The following CFAP58 variants were observed in gnomAD, a reference collection of about 807,000 sequenced individuals.
CFAP58 encodes cilia- and flagella-associated protein 58.
In CFAP58, 88 loss-of-function variants were observed where a neutral mutation model predicts 119.5. That is an observed-to-expected ratio of 0.74 (90% CI 0.62 to 0.88). The LOEUF (loss-of-function observed/expected upper bound fraction) is 0.88, where lower values mean the gene tolerates loss of function less well. CFAP58 is among the 40% of genes least tolerant of loss of function. The pLI is 0.00. For missense variants in CFAP58, 990 were observed against 1,021.2 expected (o/e 0.97, Z 0.42); for synonymous variants, 365 against 366.3 (o/e 1.00, Z 0.04).
intron 8 of CFAP58, among the ~76,000 whole-genome samples, chr10:104,378,350 A>G (rs992638114): frequency 6.0e-5 from 9 of 150,960 alleles, no homozygotes; most frequent in African/African-American, 2.2e-4. Context: ...TTAACCCAAT[A>G]CTTGAAAAAA....
intron 4 of CFAP58, 65 bp from the exon 5 acceptor site, chr10:104,365,749 G>T: frequency 2.1e-6 from 3 of 1,439,160 alleles, no homozygotes; most frequent in Non-Finnish European, 2.8e-6. Context: ...AGGGGGCTTG[G>T]CTGGCTGAGA....
intron 14 of CFAP58, among the ~76,000 whole-genome samples, chr10:104,404,074 G>A (rs1321031796): frequency 6.6e-6 from 1 of 152,224 alleles, no homozygotes; most frequent in Non-Finnish European, 1.5e-5. Context: ...AAAGCCCAGT[G>A]AAAGCTGTGA....
At chr10:104,348,105 G>A in the CFAP58 span, among the ~76,000 whole-genome samples, 1,680 of 151,210 alleles carry the variant, frequency 0.011, 52 homozygotes, top group African/African-American at 0.04. Flanking sequence ...CCCTGGGGAG[G>A]TATGTAGGGT....
chr10:104,447,130 C>T (rs1403214104), intron 15 of CFAP58, among the ~76,000 whole-genome samples: 2 of 151,940 alleles, frequency 1.3e-5, no homozygotes, highest in African/African-American at 4.8e-5. Context: ...GCTGGGACTA[C>T]AGGCATGCAC....
intron 9 of CFAP58, among the ~76,000 whole-genome samples, chr10:104,380,694 C>CA (rs1354006351): frequency 6.6e-6 from 1 of 152,170 alleles, no homozygotes; most frequent in African/African-American, 2.4e-5. Context: ...CTAGGTGTGT[C>CA]AATATTCAAA....
intron 11 of CFAP58, among the ~76,000 whole-genome samples, chr10:104,398,157 A>G (rs951254041): frequency 6.6e-6 from 1 of 152,258 alleles, no homozygotes; most frequent in Non-Finnish European, 1.5e-5. Flanking sequence ...AGGCAGAAAT[A>G]TAAACTCCTT....
Position 104,427,440 on chromosome 10 carries a change from G to A in CFAP58, c.2257-20258G>A, listed in dbSNP as rs150414743. ...TAAATTTTTTTTTCTAGTTGACAAAGCAATTTTATATATATTGTCTCATTC... is the reference window on the plus strand; with the variant it reads ...TAAATTTTTTTTTCTAGTTGACAAAACAATTTTATATATATTGTCTCATTC... On this transcript the variant is annotated intron_variant, in intron 15 of 17. Coordinates refer to ENST00000369704, the MANE Select transcript of CFAP58 (RefSeq NM_001008723.2). Among the ~76,000 whole-genome samples, 953 of 152,106 alleles carry A rather than the reference G, an allele frequency of 6.3e-3. 12 individuals are homozygous for A. The highest frequency in any genetic ancestry group is 0.021 in the African/African-American group (866 of 41,494).
In CFAP58 at chr10:104,362,035, G is replaced by T. The variant is rs758105934; in HGVS notation, c.304G>T (p.Ala102Ser). ...IASLKKEIEK[A>S]WKMVDSAYDK... Reference sequence around the variant, plus strand: ...ATGGCCCATCTAGGAAATTGAAAAGGCCTGGAAGATGGTGGACTCAGCCTA... The same window carrying T: ...ATGGCCCATCTAGGAAATTGAAAAGTCCTGGAAGATGGTGGACTCAGCCTA... Residue 102 changes from alanine to serine, a missense_variant, in exon 3 of 18, where the codon GCC (alanine) becomes TCC (serine). Transcript: ENST00000369704. 1 of 1,613,838 alleles carries T rather than the reference G, an allele frequency of 6.2e-7. No individual in the cohort carries two copies. Among genetic ancestry groups the T allele is most frequent in the African/African-American group, 1.3e-5 (1 of 75,012 alleles).
chr10:104,419,247 G>A (rs903315243), intron 15 of CFAP58, among the ~76,000 whole-genome samples: 3 of 152,082 alleles, frequency 2.0e-5, no homozygotes, highest in Non-Finnish European at 4.4e-5. Context: ...TGTCTGCGGG[G>A]CACCATATGC....
intron 13 of CFAP58, among the ~76,000 whole-genome samples, chr10:104,401,529 A>G (rs952102658): frequency 6.6e-6 from 1 of 152,214 alleles, no homozygotes; most frequent in African/African-American, 2.4e-5. Context: ...CATGTTTTAT[A>G]TAGGCAATTG....
At chr10:104,361,902 A>C (rs2014671578) in intron 2 of CFAP58, 121 bp from the exon 3 acceptor site, 2 of 923,912 alleles carry the variant, frequency 2.2e-6, no homozygotes, top group Admixed American at 2.7e-5. Context: ...CATGTTAAAC[A>C]ATTTAGTCAA....
intron 1 of CFAP58, among the ~76,000 whole-genome samples, chr10:104,357,820 T>G (rs367965991): frequency 6.8e-6 from 1 of 147,424 alleles, no homozygotes; most frequent in Non-Finnish European, 1.5e-5. Context: ...TATATGTACA[T>G]ATATACACAT....
At chr10:104,442,308 G>A (rs925538818) in intron 15 of CFAP58, among the ~76,000 whole-genome samples, 10 of 152,080 alleles carry the variant, frequency 6.6e-5, no homozygotes, top group East Asian at 1.9e-4. Flanking sequence ...TTATGCTTAC[G>A]GCTGGGTGCA....
At chr10:104,354,478 C>T (rs1004118892) in intron 1 of CFAP58, among the ~76,000 whole-genome samples, 3 of 152,074 alleles carry the variant, frequency 2.0e-5, no homozygotes, top group Admixed American at 6.5e-5. Context: ...TATTACAGTA[C>T]ACCCCATTTT....
chr10:104,352,381 C>A (rs1475769853), upstream of CFAP58, among the ~76,000 whole-genome samples: 2 of 152,184 alleles, frequency 1.3e-5, no homozygotes, highest in African/African-American at 4.8e-5. Context: ...AACTGTTCAT[C>A]TGGCCAGATG....
chr10:104,452,039 A>G (rs879443329), intron 17 of CFAP58, among the ~76,000 whole-genome samples: 36 of 152,188 alleles, frequency 2.4e-4, no homozygotes, highest in Non-Finnish European at 4.4e-4. Context: ...GTGCCCTGCC[A>G]GTAAAACGTT....
intron 15 of CFAP58, among the ~76,000 whole-genome samples, chr10:104,442,251 G>A (rs189508099): frequency 6.6e-6 from 1 of 152,114 alleles, no homozygotes; most frequent in Non-Finnish European, 1.5e-5. Context: ...TAAGGAGGCT[G>A]TTTAAAAAGT....
At chr10:104,446,353 C>T (rs1311381599) in intron 15 of CFAP58, among the ~76,000 whole-genome samples, 1 of 152,110 alleles carries the variant, frequency 6.6e-6, no homozygotes, top group Non-Finnish European at 1.5e-5. Flanking sequence ...TTTCCCAGAG[C>T]TTATTCCATC....
chr10:104,386,542 G>T (rs2133022603), intron 9 of CFAP58, among the ~76,000 whole-genome samples: 1 of 152,192 alleles, frequency 6.6e-6, no homozygotes, highest in East Asian at 1.9e-4. Context: ...TATTAAAAGT[G>T]ATCTCTAATT....
Sources: gnomAD v4.1 joint callset for allele counts (sites outside exome capture counted in the v4.1 genomes callset) on GRCh38, gnomAD v4.1.1 for gene constraint, MANE v1.5 for transcripts, NCBI Gene and HGNC (gene_info 2026-07-23, HGNC 2026-07-21) for gene names.